TCF12: variants seen among roughly 807,000 people sequenced by gnomAD.
The protein encoded by TCF12 is transcription factor 12.
In TCF12, 45 loss-of-function variants were observed where a neutral mutation model predicts 86.0. The ratio of observed to expected loss-of-function variants is 0.52; its 90% CI spans 0.41 to 0.67. TCF12 has a LOEUF of 0.67. TCF12 is among the 30% of genes least tolerant of loss of function. The pLI is 0.00. For missense variants in TCF12, 881 were observed against 859.9 expected (o/e 1.02, Z -0.31); for synonymous variants, 330 against 299.6 (o/e 1.10, Z -1.05).
chr15:56,937,992 G>A (rs1458025257), intron 3 of TCF12, among the ~76,000 whole-genome samples: 1 of 137,890 alleles, frequency 7.3e-6, no homozygotes, highest in Non-Finnish European at 1.6e-5. Flanking sequence ...ATGTTCATCA[G>A]TGGTATTGGT....
At chr15:56,942,793 T>C (rs1262610158) in intron 3 of TCF12, among the ~76,000 whole-genome samples, 1 of 152,192 alleles carries the variant, frequency 6.6e-6, no homozygotes, top group African/African-American at 2.4e-5. Flanking sequence ...TTTAAAGACT[T>C]TATTGGCTTT....
chr15:56,924,874 A>G (rs1467983841), intron 3 of TCF12, among the ~76,000 whole-genome samples: 2 of 152,196 alleles, frequency 1.3e-5, no homozygotes, highest in African/African-American at 4.8e-5. Flanking sequence ...AACCATGAGT[A>G]TTGTATACTT....
At chr15:57,218,293 T>C (rs1381884378) in intron 8 of TCF12, among the ~76,000 whole-genome samples, 1 of 152,188 alleles carries the variant, frequency 6.6e-6, no homozygotes, top group African/African-American at 2.4e-5. Context: ...GAGGGAAGGA[T>C]AGTACAAAGA....
intron 3 of TCF12, among the ~76,000 whole-genome samples, chr15:57,049,354 A>G (rs1311645876): frequency 6.6e-6 from 1 of 152,190 alleles, no homozygotes; most frequent in East Asian, 1.9e-4. Flanking sequence ...CTCCAGAAAG[A>G]TGTCTCATGT....
intron 5 of TCF12, among the ~76,000 whole-genome samples, chr15:57,160,422 C>T (rs1328361158): frequency 1.3e-5 from 2 of 152,198 alleles, no homozygotes; most frequent in African/African-American, 4.8e-5. Flanking sequence ...GATTACCTCC[C>T]ACCAGGTCCC....
intron 16 of TCF12, among the ~76,000 whole-genome samples, chr15:57,258,172 T>G (rs2060435199): frequency 1.3e-5 from 2 of 152,078 alleles, no homozygotes; most frequent in East Asian, 3.9e-4. Context: ...TCCCAGGTAC[T>G]TGTGAGAAAG....
intron 3 of TCF12, among the ~76,000 whole-genome samples, chr15:57,052,669 C>CTA (rs1464315672): frequency 1.5e-4 from 23 of 150,528 alleles, no homozygotes; most frequent in Admixed American, 1.4e-3. Flanking sequence ...TAAAACAAAA[C>CTA]TATATCTGCT....
At chr15:57,271,332 G>A (rs534730818) in intron 18 of TCF12, among the ~76,000 whole-genome samples, 9 of 152,342 alleles carry the variant, frequency 5.9e-5, no homozygotes, top group Admixed American at 4.6e-4. Flanking sequence ...AGGCATCCCA[G>A]GTCGATCTCA....
At chr15:57,241,999 A>C (rs1447313280) in intron 12 of TCF12, among the ~76,000 whole-genome samples, 1 of 152,042 alleles carries the variant, frequency 6.6e-6, no homozygotes, top group Non-Finnish European at 1.5e-5. Flanking sequence ...CTCAGGGAAA[A>C]AAAAAATGAA....
chr15:57,165,172 G>A (rs1231575122), intron 5 of TCF12, among the ~76,000 whole-genome samples: 1 of 147,998 alleles, frequency 6.8e-6, no homozygotes, highest in African/African-American at 2.5e-5. Flanking sequence ...GTGCGTACAC[G>A]AGATGTGCAA....
intron 3 of TCF12, among the ~76,000 whole-genome samples, chr15:56,949,919 G>A (rs1044515073): frequency 6.6e-6 from 1 of 152,216 alleles, no homozygotes; most frequent in Non-Finnish European, 1.5e-5. Flanking sequence ...GACAGGAAAA[G>A]GGAAAGGCTC....
At chr15:56,983,627 T>C (rs1463790365) in intron 3 of TCF12, among the ~76,000 whole-genome samples, 4 of 152,112 alleles carry the variant, frequency 2.6e-5, no homozygotes, top group Admixed American at 6.6e-5. Context: ...AATACTAATA[T>C]GCATTTCAGT....
Position 57,269,076 on chromosome 15 carries a change from C to T in TCF12, c.1746-3954C>T, listed in dbSNP as rs1448887635. On this transcript the variant is annotated intron_variant, in intron 18 of 20. Coordinates refer to ENST00000333725, the MANE Select transcript of TCF12 (RefSeq NM_207037.2). ...AGAGCTGAGTTCAAGTCCTGGATAT[C>T]CTTGTTAATTTTCTGTCTCGTTGAT... Among the ~76,000 whole-genome samples, 3 of 151,958 alleles carry T rather than the reference C, an allele frequency of 2.0e-5. No homozygotes were observed. The South Asian group carries it at 6.2e-4, about 32-fold the overall frequency.
Position 57,222,758 on chromosome 15 carries a change from ATTTTTTTTTTTTTTT to A in TCF12, c.580-8372_580-8358del, listed in dbSNP as rs57645813. 1.3e-3 allele frequency among the ~76,000 whole-genome samples: 57 copies of A among 45,532 alleles called. 1 individual carries two copies. The highest frequency in any genetic ancestry group is 5.0e-3 in the African/African-American group (50 of 9,948). 29.9% of individuals were successfully genotyped at this position (45,532 alleles called of 152,430 possible). ...GTTTTGGGGGAAAAAAAGGACTGCC[ATTTTTTTTTTTTTTT>A]TTTTTTTTTTTTTTTTTTTTTACTT... On this transcript the variant is annotated intron_variant, in intron 8 of 20. Coordinates refer to ENST00000333725, the MANE Select transcript of TCF12 (RefSeq NM_207037.2).
At chr15:57,092,508 C>G (rs2049055643) in intron 5 of TCF12, among the ~76,000 whole-genome samples, 1 of 152,012 alleles carries the variant, frequency 6.6e-6, no homozygotes, top group South Asian at 2.1e-4. Flanking sequence ...TGCAAAACAC[C>G]CCTCCTTTCC....
chr15:57,002,663 A>G (rs2064119652), intron 3 of TCF12, among the ~76,000 whole-genome samples: 1 of 152,210 alleles, frequency 6.6e-6, no homozygotes, highest in Non-Finnish European at 1.5e-5. Flanking sequence ...AAGTGACTTG[A>G]GAGAAGTTTC....
At chr15:57,041,555 A>G (rs755335562) in intron 3 of TCF12, among the ~76,000 whole-genome samples, 102 of 152,344 alleles carry the variant, frequency 6.7e-4, no homozygotes, top group Admixed American at 1.3e-3. Context: ...AACTAAGTTA[A>G]ACAAAGATCT....
At chr15:56,942,730 C>T (rs1347760128) in intron 3 of TCF12, among the ~76,000 whole-genome samples, 1 of 152,088 alleles carries the variant, frequency 6.6e-6, no homozygotes, top group Non-Finnish European at 1.5e-5. Context: ...AGTAAGTCTT[C>T]AGTTTTTTAA....
chr15:57,138,261 A>T (rs2151388483), intron 5 of TCF12, among the ~76,000 whole-genome samples: 1 of 152,250 alleles, frequency 6.6e-6, no homozygotes, highest in East Asian at 1.9e-4. Context: ...TTAACTAAAG[A>T]TTTCTGTTTT....
Sources: allele counts gnomAD v4.1 joint callset (sites outside exome capture counted in the v4.1 genomes callset), GRCh38; gene constraint gnomAD v4.1.1; transcripts MANE v1.5; gene names NCBI Gene and HGNC (gene_info 2026-07-23, HGNC 2026-07-21).